The following ATP9B variants were observed in gnomAD, a reference collection of about 807,000 sequenced individuals.
The protein encoded by ATP9B is probable phospholipid-transporting ATPase IIB.
A neutral mutation model predicts 146.1 loss-of-function variants in ATP9B; 110 were observed. That is an observed-to-expected ratio of 0.75 (90% CI 0.65 to 0.88). The LOEUF is 0.88. Ranked by LOEUF, ATP9B falls within the 40% of genes least tolerant of loss-of-function variation. The pLI is 0.00. For missense variants in ATP9B, 1,499 were observed against 1,496.4 expected (o/e 1.00, Z -0.03); for synonymous variants, 604 against 569.7 (o/e 1.06, Z -0.86).
chr18:79,072,151 TTTAA>T (rs1409697897), intron 1 of ATP9B, among the ~76,000 whole-genome samples: 1 of 152,124 alleles, frequency 6.6e-6, no homozygotes, highest in Non-Finnish European at 1.5e-5. Flanking sequence ...TCTTTTTTTT[TTTAA>T]TTTTTTTCAG....
At chr18:79,112,719 T>G (rs1464748605) in intron 3 of ATP9B, among the ~76,000 whole-genome samples, 1 of 152,108 alleles carries the variant, frequency 6.6e-6, no homozygotes, top group Non-Finnish European at 1.5e-5. Context: ...ATTCAGTCTT[T>G]GTAAAGCTAC....
chr18:79,327,560 C>T (rs112528150), intron 15 of ATP9B, among the ~76,000 whole-genome samples: 39 of 120,262 alleles, frequency 3.2e-4, no homozygotes, highest in African/African-American at 8.9e-4. Context: ...GGTTAGCGTG[C>T]TCTCCGTGGT....
chr18:79,088,173 C>CTTA (rs2074002478), intron 1 of ATP9B, among the ~76,000 whole-genome samples: 1 of 152,214 alleles, frequency 6.6e-6, no homozygotes, highest in Admixed American at 6.5e-5. Context: ...CATGATGTTG[C>CTTA]TTATATTCCT....
chr18:79,081,243 T>C (rs1290107548), intron 1 of ATP9B, among the ~76,000 whole-genome samples: 1 of 152,178 alleles, frequency 6.6e-6, no homozygotes, highest in Non-Finnish European at 1.5e-5. Flanking sequence ...TGAATCCATC[T>C]GGTCGTGGGC....
intron 11 of ATP9B, among the ~76,000 whole-genome samples, chr18:79,245,733 G>GGC (rs2095944568): frequency 1.5e-5 from 2 of 133,984 alleles, no homozygotes; most frequent in Non-Finnish European, 3.1e-5. Flanking sequence ...CTGTGTGGAG[G>GGC]ACACCGCCCT....
chr18:79,102,822 G>A (rs374465947), intron 2 of ATP9B, among the ~76,000 whole-genome samples: 13 of 152,062 alleles, frequency 8.5e-5, no homozygotes, highest in Admixed American at 2.6e-4. Flanking sequence ...TTTCACTAGC[G>A]TTTTGTAGTT....
chr18:79,080,692 TTG>T (rs2073151711), intron 1 of ATP9B, among the ~76,000 whole-genome samples: 1 of 152,128 alleles, frequency 6.6e-6, no homozygotes, highest in Non-Finnish European at 1.5e-5. Flanking sequence ...CATCCTTGTC[TTG>T]TGCTGGTTTT....
chr18:79,262,142 CT>C (rs1320502399), intron 12 of ATP9B, among the ~76,000 whole-genome samples: 35 of 134,604 alleles, frequency 2.6e-4, no homozygotes, highest in Admixed American at 2.4e-3. Flanking sequence ...CCTTTCCTTG[CT>C]TTTTCTCTCC....
At chr18:79,262,404 T>C (rs1396803278) in intron 12 of ATP9B, among the ~76,000 whole-genome samples, 1 of 152,150 alleles carries the variant, frequency 6.6e-6, no homozygotes, top group Non-Finnish European at 1.5e-5. Context: ...AAAACAAAGT[T>C]TTATTTTATA....
At chr18:79,180,917 A>G (rs1440837260) in intron 8 of ATP9B, among the ~76,000 whole-genome samples, 2 of 150,572 alleles carry the variant, frequency 1.3e-5, no homozygotes, top group Admixed American at 1.3e-4. Flanking sequence ...CTCAGCTCCT[A>G]GGTAGCTGGG....
intron 1 of ATP9B, among the ~76,000 whole-genome samples, chr18:79,091,993 G>A (rs560883804): frequency 3.9e-5 from 6 of 152,176 alleles, no homozygotes; most frequent in Non-Finnish European, 8.8e-5. Context: ...TTATTATTGC[G>A]TTATGTCCCT....
Position 79,126,302 on chromosome 18 carries a change from A to C in ATP9B, c.594A>C (p.Ala198=), listed in dbSNP as rs751618287. 1 of 1,612,586 alleles carries C rather than the reference A, an allele frequency of 6.2e-7. No individual in the cohort carries two copies. Among genetic ancestry groups the C allele is most frequent in the Non-Finnish European group, 8.5e-7 (1 of 1,178,908 alleles). The change falls in exon 5 of 30, where the codon GCA becomes GCC. Residue 198 remains alanine, a synonymous_variant. Transcript: ENST00000426216. Reference sequence around the variant, plus strand: ...TGGCTGTTACTATGACACGGGAAGCAATTGATGAATTTCGGCGTTTTCAGC... The same window carrying C: ...TGGCTGTTACTATGACACGGGAAGCCATTGATGAATTTCGGCGTTTTCAGC... ...FVLAVTMTRE[A]IDEFRRFQRD... is the part of the protein sequence containing the mutation.
chr18:79,332,586 G>C (rs568736946), intron 17 of ATP9B, among the ~76,000 whole-genome samples: 44 of 152,298 alleles, frequency 2.9e-4, no homozygotes, highest in African/African-American at 8.2e-4. Flanking sequence ...TCTCTCAGGA[G>C]GGCAGAGGCA....
chr18:79,102,668 T>C (rs991360425), intron 2 of ATP9B, among the ~76,000 whole-genome samples: 1 of 152,226 alleles, frequency 6.6e-6, no homozygotes, highest in African/African-American at 2.4e-5. Flanking sequence ...ATCTACAAAA[T>C]CCTTACTAGG....
At chr18:79,072,457 CG>C (rs759979411) in intron 1 of ATP9B, among the ~76,000 whole-genome samples, 6 of 152,112 alleles carry the variant, frequency 3.9e-5, no homozygotes, top group African/African-American at 1.4e-4. Flanking sequence ...TCAGAGAGCA[CG>C]GGGTTGGGGG....
intron 1 of ATP9B, among the ~76,000 whole-genome samples, chr18:79,089,610 A>G (rs1000090230): frequency 2.0e-5 from 3 of 152,246 alleles, no homozygotes; most frequent in Admixed American, 2.0e-4. Flanking sequence ...GTCTTATGAA[A>G]AAAAATTATT....
chr18:79,281,747 G>C (rs1238373006), intron 13 of ATP9B, among the ~76,000 whole-genome samples: 1 of 152,180 alleles, frequency 6.6e-6, no homozygotes, highest in Non-Finnish European at 1.5e-5. Flanking sequence ...TCTGGGGCCA[G>C]GTGCAGTGGC....
chr18:79,320,809 G>T (rs2146882245), intron 15 of ATP9B, among the ~76,000 whole-genome samples: 1 of 99,946 alleles, frequency 1.0e-5, no homozygotes, highest in East Asian at 8.1e-4. Flanking sequence ...GATGCTGTGG[G>T]TTTTACGTTG....
rs189835911 is a variant in ATP9B, at chr18:79,197,904, C to T, written c.954+4641C>T. Among the ~76,000 whole-genome samples the T allele has an allele frequency of 3.3e-3, 500 of 152,216 alleles. 3 individuals carry two copies. The highest frequency in any genetic ancestry group is 0.013 in the South Asian group (62 of 4,822). ...AAAATCTACGAGAACGGATTTTTTC[C>T]TTCTAATCTATAGAATAAGGACATG... is the stretch of plus-strand genomic sequence containing the variant. On this transcript the variant is annotated intron_variant, in intron 9 of 29. Coordinates refer to ENST00000426216, the MANE Select transcript of ATP9B (RefSeq NM_198531.5).
Sources: allele counts gnomAD v4.1 joint callset (sites outside exome capture counted in the v4.1 genomes callset), GRCh38; gene constraint gnomAD v4.1.1; transcripts MANE v1.5; gene names NCBI Gene and HGNC (gene_info 2026-07-23, HGNC 2026-07-21).